The following DIP2B variants were observed in gnomAD, a reference collection of about 807,000 sequenced individuals.
DIP2B encodes disco-interacting protein 2 homolog B.
Under a neutral mutation model 198.0 loss-of-function variants are expected in DIP2B, and 76 were observed. That is an observed-to-expected ratio of 0.38 (90% CI 0.32 to 0.46). DIP2B has a LOEUF of 0.46. DIP2B is among the 20% of genes least tolerant of loss of function. The pLI, the probability that DIP2B is intolerant of heterozygous loss-of-function variation, is 0.99. For missense variants in DIP2B, 1,559 were observed against 1,978.4 expected (o/e 0.79, Z 4.02); for synonymous variants, 701 against 739.1 (o/e 0.95, Z 0.84).
intron 8 of DIP2B, 145 bp from the exon 9 acceptor site, chr12:50,680,527 T>C: frequency 1.5e-6 from 1 of 672,500 alleles, no homozygotes; most frequent in Non-Finnish European, 2.5e-6. Context: ...CTACTGTGTG[T>C]TGGGGGTGAA....
At chr12:50,702,242 A>T (rs886770729) in intron 19 of DIP2B, among the ~76,000 whole-genome samples, 2 of 152,158 alleles carry the variant, frequency 1.3e-5, no homozygotes, top group African/African-American at 4.8e-5. Context: ...GCTACTCGGG[A>T]GGCTGACACA....
chr12:50,709,091 C>T (rs1939565822), intron 22 of DIP2B, among the ~76,000 whole-genome samples: 1 of 152,216 alleles, frequency 6.6e-6, no homozygotes, highest in South Asian at 2.1e-4. Context: ...TGACAAGAGC[C>T]TAGTCTTCAC....
At chr12:50,544,582 AG>A (rs1958358681) in intron 1 of DIP2B, among the ~76,000 whole-genome samples, 1 of 151,436 alleles carries the variant, frequency 6.6e-6, no homozygotes. Flanking sequence ...CTGGGATTAC[AG>A]GCGTGAGCCA....
chr12:50,551,240 A>G (rs1327871187), intron 1 of DIP2B, among the ~76,000 whole-genome samples: 1 of 152,178 alleles, frequency 6.6e-6, no homozygotes, highest in African/African-American at 2.4e-5. Flanking sequence ...CCTGGCCAAC[A>G]TGGCGAAACC....
Position 50,541,791 on chromosome 12 carries a change from C to T in DIP2B, c.100+36551C>T, listed in dbSNP as rs113671579. ...CCGAGGTGGGTGGATCACTTGAGGC[C>T]GGGAATTGGAGACCAGTCTGGCAAA... On this transcript the variant is annotated intron_variant, in intron 1 of 37. Coordinates refer to ENST00000301180, the MANE Select transcript of DIP2B (RefSeq NM_173602.3). Among the ~76,000 whole-genome samples, 1,200 of 147,380 alleles carry T rather than the reference C, an allele frequency of 8.1e-3. 14 individuals carry two copies. Among genetic ancestry groups the T allele is most frequent in the Middle Eastern group, 0.055 (14 of 254 alleles).
intron 20 of DIP2B, among the ~76,000 whole-genome samples, chr12:50,705,347 A>T (rs1389887327): frequency 6.6e-6 from 1 of 152,130 alleles, no homozygotes; most frequent in Non-Finnish European, 1.5e-5. Flanking sequence ...CTTTGTCTTG[A>T]CTTTTTCACT....
intron 2 of DIP2B, among the ~76,000 whole-genome samples, chr12:50,632,444 A>C (rs1372505627): frequency 1.5e-5 from 2 of 132,276 alleles, no homozygotes; most frequent in East Asian, 2.4e-4. Flanking sequence ...GTGCCACTGC[A>C]CTCCAGCCTG....
chr12:50,642,336 T>C (rs371176827), intron 3 of DIP2B, among the ~76,000 whole-genome samples: 1 of 152,154 alleles, frequency 6.6e-6, no homozygotes, highest in Non-Finnish European at 1.5e-5. Context: ...TCTTGTGGGA[T>C]CTTGAATGTC....
At chr12:50,637,126 G>A (rs571899071) in intron 2 of DIP2B, among the ~76,000 whole-genome samples, 2 of 152,194 alleles carry the variant, frequency 1.3e-5, no homozygotes, top group South Asian at 4.1e-4. Flanking sequence ...GGTGATTATT[G>A]GTTCCCTCTC....
At chr12:50,545,490 C>T (rs1395807759) in intron 1 of DIP2B, among the ~76,000 whole-genome samples, 1 of 151,314 alleles carries the variant, frequency 6.6e-6, no homozygotes, top group Non-Finnish European at 1.5e-5. Context: ...ATCATCTCAC[C>T]CCAGCCTCCC....
At chr12:50,569,052 T>C (rs1476459458) in intron 1 of DIP2B, among the ~76,000 whole-genome samples, 2 of 152,052 alleles carry the variant, frequency 1.3e-5, no homozygotes, top group Non-Finnish European at 2.9e-5. Flanking sequence ...TTTTTTTTCC[T>C]AATCACAATC....
At chr12:50,562,191 G>C (rs1293981764) in intron 1 of DIP2B, among the ~76,000 whole-genome samples, 1 of 152,166 alleles carries the variant, frequency 6.6e-6, no homozygotes, top group Admixed American at 6.5e-5. Context: ...TAGAGAAAGG[G>C]TAACAAGCTG....
intron 1 of DIP2B, among the ~76,000 whole-genome samples, chr12:50,556,749 G>T (rs1958475192): frequency 6.6e-6 from 1 of 151,910 alleles, no homozygotes; most frequent in Non-Finnish European, 1.5e-5. Context: ...TGCTCTTGTT[G>T]TCCATGCTGG....
chr12:50,562,924 C>T (rs932749701), intron 1 of DIP2B, among the ~76,000 whole-genome samples: 12 of 152,094 alleles, frequency 7.9e-5, no homozygotes, highest in African/African-American at 2.4e-4. Context: ...TTAACTCTTA[C>T]GTACCACTAA....
intron 1 of DIP2B, among the ~76,000 whole-genome samples, chr12:50,623,521 A>G (rs986100434): frequency 2.1e-5 from 3 of 141,890 alleles, no homozygotes; most frequent in African/African-American, 7.5e-5. Context: ...ACACACACAC[A>G]CACACACGCA....
intron 7 of DIP2B, 30 bp downstream of exon 7, chr12:50,675,478 T>A: frequency 6.3e-7 from 1 of 1,596,034 alleles, no homozygotes; most frequent in East Asian, 2.3e-5. Context: ...AAACATATAT[T>A]CATTAAATAA....
At chr12:50,569,321 T>G (rs769297893) in intron 1 of DIP2B, among the ~76,000 whole-genome samples, 1 of 152,180 alleles carries the variant, frequency 6.6e-6, no homozygotes, top group Non-Finnish European at 1.5e-5. Flanking sequence ...TTCAATCTTA[T>G]GGGGAGATTT....
chr12:50,591,843 G>A (rs1216843811), intron 1 of DIP2B, among the ~76,000 whole-genome samples: 1 of 150,666 alleles, frequency 6.6e-6, no homozygotes, highest in Non-Finnish European at 1.5e-5. Context: ...GGACTAAAAC[G>A]ATATTGTTTA....
rs1939515724 is a variant in DIP2B, at chr12:50,706,519, AATC to A, written c.2407-13_2407-11del. The A allele has an allele frequency of 1.2e-6, 2 of 1,612,044 alleles. No homozygotes were observed. The highest frequency in any genetic ancestry group is 8.5e-7 in the Non-Finnish European group (1 of 1,178,678). Reference sequence around the variant, plus strand: ...TATTTAAATCATGGAAATCAAGGTAAATCATCATTACCTTTCAGGGTAGTTTGG... The same window carrying A: ...TATTTAAATCATGGAAATCAAGGTAAATCATTACCTTTCAGGGTAGTTTGG... On this transcript the variant is annotated splice_polypyrimidine_tract_variant and intron_variant, in intron 20 of 37. Transcript: ENST00000301180.
Sources: allele counts gnomAD v4.1 joint callset (sites outside exome capture counted in the v4.1 genomes callset), GRCh38; gene constraint gnomAD v4.1.1; transcripts MANE v1.5; gene names NCBI Gene and HGNC (gene_info 2026-07-23, HGNC 2026-07-21).